Variants in DMD observed in about 807,000 individuals in gnomAD.
DMD encodes the protein mutant dystrophin.
In DMD, 63 loss-of-function variants were observed where a neutral mutation model predicts 330.1. That is an observed-to-expected ratio of 0.19 (90% CI 0.16 to 0.24). DMD has a LOEUF of 0.24. DMD is among the 10% of genes least tolerant of loss of function. The pLI, the probability that DMD is intolerant of heterozygous loss-of-function variation, is 1.00. For synonymous variants in DMD, 1,223 were observed against 959.8 expected (o/e 1.27, Z -5.07); for missense variants, 3,344 against 2,684.1 (o/e 1.25, Z -5.43).
chrX:32,529,749 A>G (rs1480872894), intron 17 of DMD, among the ~76,000 whole-genome samples: 4 of 111,162 alleles, frequency 3.6e-5, no homozygotes, highest in Non-Finnish European at 7.5e-5. Flanking sequence ...CAAATTAAAT[A>G]AAATCTAAAG....
intron 33 of DMD, among the ~76,000 whole-genome samples, chrX:32,381,117 A>C (rs191606420): frequency 8.9e-6 from 1 of 111,824 alleles, no homozygotes; most frequent in African/African-American, 3.2e-5. Flanking sequence ...AAATGAAGAT[A>C]GAAGATTAAT....
chrX:32,624,294 T>A (rs2058197729), intron 11 of DMD, among the ~76,000 whole-genome samples: 1 of 111,485 alleles, frequency 9.0e-6, no homozygotes, highest in Non-Finnish European at 1.9e-5. Context: ...TAAAGTAGTA[T>A]AGGGCAGGAG....
rs761569710 is a variant in DMD at position 31,214,937 on chromosome X, C to CTTTTTTTTTT, written c.9362-5248_9362-5239dup. 7.1e-4 allele frequency among the ~76,000 whole-genome samples: 27 copies of CTTTTTTTTTT among 38,085 alleles called. 1 individual carries two copies. The highest frequency in any genetic ancestry group is 2.2e-3 in the South Asian group (1 of 445). The allele number at this position is 38,085 out of a possible 115,157, so 33.1% of individuals were successfully genotyped here. ...AAAGATACTTTTTTATTTCTTTTTT[C>CTTTTTTTTTT]TTTTTTTTTTTTTTTTTTTTTTGAG... On this transcript the variant is annotated intron_variant, in intron 64 of 78. Transcript: ENST00000357033.
At chrX:32,438,052 C>G (rs769217782) in intron 29 of DMD, among the ~76,000 whole-genome samples, 189 bp downstream of exon 29, 1 of 112,016 alleles carries the variant, frequency 8.9e-6, no homozygotes, top group South Asian at 3.7e-4. Context: ...TCCTAACTTA[C>G]AATGTTTTTG....
chrX:32,865,162 T>C lies in DMD; in HGVS notation c.94-15342A>G, dbSNP rs755230725. ...CGAGGGGGATAGTCATTCAACTAAA[T>C]GTAACCAGTATTATGCATCATACTG... is the stretch of plus-strand genomic sequence containing the variant. On this transcript the variant is annotated intron_variant, in intron 2 of 78. Transcript: ENST00000357033. Among the ~76,000 whole-genome samples the C allele has an allele frequency of 3.6e-5, 4 of 111,858 alleles. No homozygotes were observed. In the East Asian group the frequency reaches 8.4e-4, roughly 24 times the overall value.
chrX:31,807,547 AAAAAGAAAAG>A (rs757551741), intron 50 of DMD, among the ~76,000 whole-genome samples: 13 of 110,962 alleles, frequency 1.2e-4, no homozygotes, highest in South Asian at 7.6e-4. Context: ...GAGGAGCCAA[AAAAAGAAAAG>A]AAAAGAAAAG....
At chrX:32,250,734 T>C (rs1603629185) in intron 43 of DMD, among the ~76,000 whole-genome samples, 1 of 112,040 alleles carries the variant, frequency 8.9e-6, no homozygotes, top group South Asian at 3.7e-4. Context: ...CTTATGCTGG[T>C]GTCCATTACT....
In DMD at chrX:32,567,195, A is replaced by C. The variant is rs191755141; in HGVS notation, c.1813-1314T>G. 3.0e-3 allele frequency among the ~76,000 whole-genome samples: 333 copies of C among 112,031 alleles called. 8 individuals are homozygous for C. The highest frequency in any genetic ancestry group is 0.026 in the Admixed American group (270 of 10,510). On this transcript the variant is annotated intron_variant, in intron 15 of 78. Transcript: ENST00000357033. ...ACTCAGAATCTGCTTCACCTGGAGT[A>C]TGTTATAGTTCAGTCTTCATGCCAT...
intron 13 of DMD, among the ~76,000 whole-genome samples, chrX:32,574,252 T>G (rs895547529): frequency 2.7e-5 from 3 of 112,284 alleles, no homozygotes; most frequent in African/African-American, 9.7e-5. Flanking sequence ...CAAAAGACTC[T>G]TAATTGAAAC....
intron 48 of DMD, among the ~76,000 whole-genome samples, chrX:31,859,602 G>A (rs530056543): frequency 8.9e-6 from 1 of 112,081 alleles, no homozygotes. Flanking sequence ...ATAAGGAATG[G>A]ATAAGTGTTA....
In DMD at chrX:31,773,972, G is replaced by A; in HGVS notation, c.7530C>T (p.Ile2510=). 2 of 1,206,409 alleles carry A rather than the reference G, an allele frequency of 1.7e-6. No homozygotes were observed. The highest frequency in any genetic ancestry group is 2.2e-6 in the Non-Finnish European group (2 of 891,924). Residue 2510 remains isoleucine, a synonymous_variant, in exon 51 of 79, where the codon ATC becomes ATT. Coordinates refer to ENST00000357033, the MANE Select transcript of DMD (RefSeq NM_004006.3). ...VGDLEDINEM[I]IKQKATMQDL... The stretch of plus-strand genomic sequence containing the variant: ...TTTTTTCTCATACCTTCTGCTTGAT[G>A]ATCATCTCGTTGATATCCTCAAGGT...
At chrX:32,289,871 A>G (rs759846602) in intron 42 of DMD, among the ~76,000 whole-genome samples, 6 of 111,816 alleles carry the variant, frequency 5.4e-5, no homozygotes, top group African/African-American at 1.9e-4. Flanking sequence ...AATAACTACA[A>G]GTATCCTGAG....
chrX:32,827,139 T>C (rs2078780774), intron 4 of DMD, among the ~76,000 whole-genome samples: 1 of 103,768 alleles, frequency 9.6e-6, no homozygotes, highest in South Asian at 4.3e-4. Context: ...CCAATAAAAT[T>C]TATCTATATC....
intron 55 of DMD, among the ~76,000 whole-genome samples, chrX:31,512,124 A>T (rs1378694581): frequency 2.3e-4 from 25 of 110,192 alleles, no homozygotes; most frequent in African/African-American, 6.9e-4. Flanking sequence ...TGGCTGCATA[A>T]ATGTCTTCTT....
chrX:32,052,823 C>T (rs1382844796), intron 44 of DMD, among the ~76,000 whole-genome samples: 1 of 111,114 alleles, frequency 9.0e-6, no homozygotes, highest in Non-Finnish European at 1.9e-5. Context: ...TCTGCAGTAC[C>T]TTGAGCAGCA....
At chrX:32,242,412 A>T (rs751195603) in intron 43 of DMD, among the ~76,000 whole-genome samples, 1 of 111,967 alleles carries the variant, frequency 8.9e-6, no homozygotes, top group East Asian at 2.8e-4. Flanking sequence ...AAGCCAATAG[A>T]ATCATTCTGC....
At chrX:31,756,230 C>A (rs2089065392) in intron 51 of DMD, among the ~76,000 whole-genome samples, 1 of 111,652 alleles carries the variant, frequency 9.0e-6, no homozygotes, top group Non-Finnish European at 1.9e-5. Context: ...TTCTCAGTTG[C>A]CTGCTCAAGA....
Position 32,774,731 on chromosome X carries a change from C to T in DMD, c.649+34762G>A, listed in dbSNP as rs753330089. 9.9e-5 allele frequency among the ~76,000 whole-genome samples: 11 copies of T among 111,192 alleles called. No homozygotes were observed. In the East Asian group the frequency reaches 2.9e-3, roughly 29 times the overall value. On this transcript the variant is annotated intron_variant, in intron 7 of 78. Transcript: ENST00000357033. ...TCCCTCCCTTGACACGTGGGGATTA[C>T]AATTTGAGACAAAATTTGGGTGGGT...
Position 32,252,717 on chromosome X carries a change from T to A in DMD, c.6290+34812A>T, listed in dbSNP as rs1385608864. Among the ~76,000 whole-genome samples, 6 of 50,626 alleles carry A rather than the reference T, an allele frequency of 1.2e-4. No individual in the cohort carries two copies. In the East Asian group the frequency reaches 2.4e-3, roughly 20 times the overall value. 44.0% of individuals were successfully genotyped at this position (50,626 alleles called of 115,157 possible). ...ATATAAATATATATAAATATATAAA[T>A]ATATATAAATATATAAATATATATA... is the stretch of plus-strand genomic sequence containing the variant. On this transcript the variant is annotated intron_variant, in intron 43 of 78. Coordinates refer to ENST00000357033, the MANE Select transcript of DMD (RefSeq NM_004006.3).
Sources: gnomAD v4.1 joint callset for allele counts (sites outside exome capture counted in the v4.1 genomes callset) on GRCh38, gnomAD v4.1.1 for gene constraint, MANE v1.5 for transcripts, NCBI Gene and HGNC (gene_info 2026-07-23, HGNC 2026-07-21) for gene names.